PITPNB: variants seen among roughly 807,000 people sequenced by gnomAD.
PITPNB encodes the protein phosphatidylinositol transfer protein beta isoform.
PITPNB carries 16 observed loss-of-function variants against 45.9 expected under a neutral mutation model. The ratio of observed to expected loss-of-function variants is 0.35; its 90% CI spans 0.24 to 0.53. PITPNB has a LOEUF of 0.53. PITPNB is among the 20% of genes least tolerant of loss of function. The pLI is 0.93. For synonymous variants in PITPNB, 112 were observed against 108.9 expected, an observed-to-expected ratio of 1.03 and a Z score of -0.18; for missense variants, 188 against 330.5, an observed-to-expected ratio of 0.57 and a Z score of 3.34.
intron 7 of PITPNB, among the ~76,000 whole-genome samples, chr22:27,891,878 C>T (rs539240117): frequency 4.6e-5 from 7 of 152,270 alleles, no homozygotes; most frequent in Non-Finnish European, 8.8e-5. Flanking sequence ...CACATTTAAT[C>T]TTATAATTAC....
chr22:27,902,069 G>C (rs2146411520), intron 3 of PITPNB, among the ~76,000 whole-genome samples: 1 of 152,072 alleles, frequency 6.6e-6, no homozygotes, highest in East Asian at 1.9e-4. Flanking sequence ...AAACAGATTA[G>C]TAAACAACAA....
intron 7 of PITPNB, among the ~76,000 whole-genome samples, chr22:27,891,635 CG>C (rs1393337343): frequency 6.6e-6 from 1 of 152,110 alleles, no homozygotes; most frequent in Admixed American, 6.5e-5. Flanking sequence ...GTTCTGGTGA[CG>C]GTGAGTGAGT....
rs940154137 is a variant in PITPNB, at chr22:27,853,577, A to G, written c.*125T>C. 2.6e-6 allele frequency: 4 copies of G among 1,524,830 alleles called. No individual in the cohort carries two copies. The highest frequency in any genetic ancestry group is 2.7e-6 in the Non-Finnish European group (3 of 1,123,220). 94.5% of individuals were successfully genotyped at this position (1,524,830 alleles called of 1,614,324 possible). ...TATCATCACAAGCACACATCTGGGA[A>G]ACGTCAACACTGCAAGATACTGGTC... On this transcript the variant is annotated 3_prime_UTR_variant, in exon 12 of 12. Coordinates refer to ENST00000335272, the MANE Select transcript of PITPNB (RefSeq NM_012399.5).
chr22:27,891,485 T>C (rs1389654823), intron 7 of PITPNB, among the ~76,000 whole-genome samples: 1 of 152,220 alleles, frequency 6.6e-6, no homozygotes, highest in Non-Finnish European at 1.5e-5. Flanking sequence ...ACACACTGGC[T>C]GTATGATAAG....
chr22:27,869,268 A>C (rs992154440), intron 8 of PITPNB, among the ~76,000 whole-genome samples: 2 of 152,196 alleles, frequency 1.3e-5, no homozygotes, highest in Admixed American at 6.5e-5. Flanking sequence ...TAATTTCTGC[A>C]CTCAGATTTT....
intron 1 of PITPNB, among the ~76,000 whole-genome samples, chr22:27,918,254 T>G (rs1569040200): frequency 6.6e-6 from 1 of 152,034 alleles, no homozygotes; most frequent in Non-Finnish European, 1.5e-5. Flanking sequence ...AAATAAGGTG[T>G]CTGAAAAAAG....
At chr22:27,897,715 G>T in intron 4 of PITPNB, 86 bp downstream of exon 4, 1 of 900,322 alleles carries the variant, frequency 1.1e-6, no homozygotes, top group Non-Finnish European at 1.9e-6. Context: ...CTTGCTCAGT[G>T]TAAACCTTCT....
At chr22:27,866,072 CATGA>C (rs1934475758) in intron 8 of PITPNB, among the ~76,000 whole-genome samples, 1 of 152,088 alleles carries the variant, frequency 6.6e-6, no homozygotes, top group Admixed American at 6.6e-5. Context: ...TTACATAAAG[CATGA>C]AAATTTAAAA....
chr22:27,889,198 A>T (rs1210971935), intron 7 of PITPNB, among the ~76,000 whole-genome samples: 1 of 152,168 alleles, frequency 6.6e-6, no homozygotes, highest in Admixed American at 6.5e-5. Flanking sequence ...AGAAACTCTT[A>T]GGATTATGTG....
intron 7 of PITPNB, among the ~76,000 whole-genome samples, chr22:27,890,903 T>C (rs977728469): frequency 2.6e-5 from 4 of 152,090 alleles, no homozygotes; most frequent in African/African-American, 9.7e-5. Flanking sequence ...TAGAAAGGAA[T>C]GAAGTACTGA....
At chr22:27,892,904 T>C (rs1452230854) in intron 7 of PITPNB, among the ~76,000 whole-genome samples, 4 of 152,234 alleles carry the variant, frequency 2.6e-5, no homozygotes, top group Non-Finnish European at 5.9e-5. Flanking sequence ...GGGTCACTGC[T>C]GGCAGTCTCA....
chr22:27,865,916 A>G (rs552760573), intron 8 of PITPNB, among the ~76,000 whole-genome samples: 2 of 152,322 alleles, frequency 1.3e-5, no homozygotes, highest in African/African-American at 2.4e-5. Context: ...ACAACCCCAA[A>G]GCAAATAAAA....
chr22:27,858,144 C>G (rs987403884), intron 10 of PITPNB, among the ~76,000 whole-genome samples: 2 of 152,148 alleles, frequency 1.3e-5, no homozygotes, highest in African/African-American at 4.8e-5. Flanking sequence ...AGATATTTAA[C>G]AGGTAACCAA....
intron 3 of PITPNB, among the ~76,000 whole-genome samples, chr22:27,909,419 C>T (rs1258431935): frequency 2.0e-5 from 3 of 151,708 alleles, no homozygotes; most frequent in African/African-American, 7.3e-5. Context: ...GACTGCCAAA[C>T]TTAAGGGAAT....
chr22:27,886,175 C>T (rs1935118340), intron 7 of PITPNB, among the ~76,000 whole-genome samples: 1 of 152,206 alleles, frequency 6.6e-6, no homozygotes, highest in South Asian at 2.1e-4. Context: ...AACAGGAAAT[C>T]CGTTTCCTAT....
At chr22:27,854,968 T>A in intron 10 of PITPNB, 29 bp from the exon 11 acceptor site, 1 of 1,529,370 alleles carries the variant, frequency 6.5e-7, no homozygotes, top group South Asian at 1.1e-5. Context: ...TGTGAGCTGC[T>A]GAAATCAGAC....
At chr22:27,899,225 T>C (rs1238325423) in intron 3 of PITPNB, among the ~76,000 whole-genome samples, 1 of 152,266 alleles carries the variant, frequency 6.6e-6, no homozygotes, top group Non-Finnish European at 1.5e-5. Flanking sequence ...AATTATAAGT[T>C]GATACGGAGC....
intron 8 of PITPNB, among the ~76,000 whole-genome samples, chr22:27,868,400 T>C (rs1229157626): frequency 6.6e-6 from 1 of 152,190 alleles, no homozygotes; most frequent in African/African-American, 2.4e-5. Context: ...TTATCTTAGG[T>C]CACTGACACC....
In PITPNB at chr22:27,896,642, C is replaced by G. The variant is rs765133957; in HGVS notation, c.298-16G>C. ...TATATTCATTCTGCAGAAAACACAA[C>G]AGGAAAATGACAGTGATCTTCTACC... On this transcript the variant is annotated splice_polypyrimidine_tract_variant and intron_variant, in intron 5 of 11. Transcript: ENST00000335272. 1.5e-5 allele frequency: 23 copies of G among 1,562,942 alleles called. 1 individual carries two copies. The South Asian group carries it at 2.6e-4, about 17-fold the overall frequency.
Sources: gnomAD v4.1 joint callset for allele counts (sites outside exome capture counted in the v4.1 genomes callset) on GRCh38, gnomAD v4.1.1 for gene constraint, MANE v1.5 for transcripts, NCBI Gene and HGNC (gene_info 2026-07-23, HGNC 2026-07-21) for gene names.